The following TDRD12 variants were observed in gnomAD, a reference collection of about 807,000 sequenced individuals.
TDRD12 encodes tudor domain containing 12, also known as putative ATP-dependent RNA helicase TDRD12.
TDRD12 carries 158 observed loss-of-function variants against 133.5 expected under a neutral mutation model. The ratio of observed to expected loss-of-function variants is 1.18; its 90% CI spans 1.04 to 1.35. The LOEUF (loss-of-function observed/expected upper bound fraction) is 1.35. Ranked by LOEUF, TDRD12 falls within the 40% of genes most tolerant of loss-of-function variation. The pLI is 0.00. For missense variants in TDRD12, 1,443 were observed against 1,321.3 expected (o/e 1.09, Z -1.43); for synonymous variants, 460 against 477.9 (o/e 0.96, Z 0.49).
intron 27 of TDRD12, among the ~76,000 whole-genome samples, chr19:32,818,867 G>A (rs893816365): frequency 6.6e-6 from 1 of 152,176 alleles, no homozygotes; most frequent in African/African-American, 2.4e-5. Context: ...AAGACAGACA[G>A]CTGGGCTAGT....
chr19:32,761,192 T>G (rs1156998756), intron 8 of TDRD12, among the ~76,000 whole-genome samples: 1 of 152,236 alleles, frequency 6.6e-6, no homozygotes, highest in Non-Finnish European at 1.5e-5. Flanking sequence ...CTCAGCTCAC[T>G]GCAAGCTCCA....
At chr19:32,802,928 C>T in exon 21 of TDRD12, 2 of 1,534,538 alleles carry the variant, frequency 1.3e-6, no homozygotes, top group Non-Finnish European at 1.7e-6. Context: ...TCAGGGTTCT[C>T]CTGCAGAACA....
rs10644749 is a variant in TDRD12 at position 32,744,499 on chromosome 19, C to CAAAA, written c.440+1621_440+1624dup. ...TGGGTGACAGAGTGAGACTCCGTCT[C>CAAAA]AAAAAAAAAAAAAAAAAAAAAAAAA... On this transcript the variant is annotated intron_variant, in intron 4 of 27. Coordinates refer to ENST00000444215, the Ensembl canonical transcript of TDRD12. 4.4e-3 allele frequency among the ~76,000 whole-genome samples: 168 copies of CAAAA among 37,998 alleles called. 4 individuals are homozygous for CAAAA. Among genetic ancestry groups the CAAAA allele is most frequent in the Admixed American group, 5.7e-3 (12 of 2,110 alleles). 24.9% of individuals were successfully genotyped at this position (37,998 alleles called of 152,430 possible). A position where few individuals can be genotyped will look rare whatever the true frequency, so the allele number is the denominator to read the frequency against.
At chr19:32,781,693 C>G (rs2145632887) in intron 11 of TDRD12, among the ~76,000 whole-genome samples, 1 of 148,924 alleles carries the variant, frequency 6.7e-6, no homozygotes, top group Admixed American at 6.7e-5. Flanking sequence ...CCTTTTCTCT[C>G]TCTCTCTCTC....
intron 14 of TDRD12, among the ~76,000 whole-genome samples, chr19:32,796,988 T>C (rs1341485966): frequency 6.6e-6 from 1 of 151,236 alleles, no homozygotes; most frequent in Non-Finnish European, 1.5e-5. Context: ...CGTCTTTTTT[T>C]TTTTTTTTTT....
intron 24 of TDRD12, among the ~76,000 whole-genome samples, chr19:32,812,899 TG>T (rs1486340014): frequency 2.6e-5 from 4 of 152,122 alleles, no homozygotes; most frequent in Non-Finnish European, 5.9e-5. Context: ...TGGCCAGGCA[TG>T]GTGGCTCACA....
At chr19:32,763,833 C>T (rs1970218729) in intron 8 of TDRD12, among the ~76,000 whole-genome samples, 1 of 152,182 alleles carries the variant, frequency 6.6e-6, no homozygotes, top group Admixed American at 6.5e-5. Context: ...TGGGTTTCTG[C>T]CCCTGTCCAT....
At chr19:32,731,728 G>A in exon 2 of TDRD12, 4 of 1,531,118 alleles carry the variant, frequency 2.6e-6, no homozygotes, top group Non-Finnish European at 2.6e-6. Context: ...TTTACAGATT[G>A]AAGATCCAGG....
At chr19:32,755,889 A>G in intron 6 of TDRD12, 103 bp from the exon 7 acceptor site, 1 of 850,568 alleles carries the variant, frequency 1.2e-6, no homozygotes, top group East Asian at 3.3e-5. Flanking sequence ...CTGTAAAATA[A>G]TTTCTCTGAA....
At chr19:32,757,270 A>T in intron 8 of TDRD12, 140 bp downstream of exon 8, 1 of 701,024 alleles carries the variant, frequency 1.4e-6, no homozygotes, top group Non-Finnish European at 2.4e-6. Context: ...TTTGTGATGT[A>T]GATCCTGAAA....
chr19:32,751,106 C>G (rs1033511544), intron 6 of TDRD12, among the ~76,000 whole-genome samples: 11 of 147,390 alleles, frequency 7.5e-5, no homozygotes, highest in Admixed American at 4.1e-4. Context: ...CTCCCTCCCC[C>G]CTCCCCACCC....
exon 10 of TDRD12, chr19:32,828,422 T>C (rs1039540451): frequency 1.3e-5 from 2 of 152,092 alleles, no homozygotes; most frequent in Middle Eastern, 3.2e-3. Context: ...GAGGAGTGTA[T>C]GTAGTCATGG....
chr19:32,804,082 T>G (rs1242327703), intron 21 of TDRD12, among the ~76,000 whole-genome samples: 3 of 152,036 alleles, frequency 2.0e-5, no homozygotes, highest in African/African-American at 7.2e-5. Flanking sequence ...GAAGTTTTTT[T>G]TGTTTTTTGA....
chr19:32,721,319 C>G lies in TDRD12; in HGVS notation c.24+1223C>G, dbSNP rs1968654796. Among the ~76,000 whole-genome samples, 3 of 152,172 alleles carry G rather than the reference C, an allele frequency of 2.0e-5. No homozygotes were observed. The South Asian group carries it at 6.2e-4, about 32-fold the overall frequency. On this transcript the variant is annotated intron_variant, in intron 1 of 27. Transcript: ENST00000444215. ...AAGGAAATCTAAATACTTTGAAAAT[C>G]ACACTTCAGTGGGCCCAGGAGCTGG...
chr19:32,804,490 G>A (rs1159617651), intron 21 of TDRD12, among the ~76,000 whole-genome samples: 1 of 149,442 alleles, frequency 6.7e-6, no homozygotes. Flanking sequence ...TCAAGAGATC[G>A]AGACCATCCT....
At chr19:32,788,308 C>T (rs1970969236) in intron 11 of TDRD12, among the ~76,000 whole-genome samples, 1 of 151,798 alleles carries the variant, frequency 6.6e-6, no homozygotes, top group Non-Finnish European at 1.5e-5. Flanking sequence ...GACAGGGTTT[C>T]ACTATATTGG....
In TDRD12 at chr19:32,826,904, C is replaced by T. The variant is rs139022922; in HGVS notation, c.1050-260C>T. ...TCTCTTTGTTTATCTTGGTGCTAAA[C>T]GTTCTGGTTTGAGTACTTTTCAACC... On this transcript the variant is annotated intron_variant, in intron 9 of 9. Coordinates refer to the TDRD12 transcript ENST00000637289. Among the ~76,000 whole-genome samples, 114 of 152,282 alleles carry T rather than the reference C, an allele frequency of 7.5e-4. 1 individual carries two copies. Among genetic ancestry groups the T allele is most frequent in the African/African-American group, 2.7e-3 (112 of 41,552 alleles).
chr19:32,770,023 C>T (rs530093885), intron 8 of TDRD12, among the ~76,000 whole-genome samples: 11 of 148,642 alleles, frequency 7.4e-5, no homozygotes, highest in East Asian at 2.0e-4. Context: ...GACAGAGTCT[C>T]GCTCTGTCAC....
chr19:32,723,320 G>T (rs979898117), intron 1 of TDRD12, among the ~76,000 whole-genome samples: 1 of 150,674 alleles, frequency 6.6e-6, no homozygotes, highest in African/African-American at 2.4e-5. Context: ...GTGTGATCTC[G>T]GCACAGTGCA....
Sources: gnomAD v4.1 joint callset for allele counts (sites outside exome capture counted in the v4.1 genomes callset) on GRCh38, gnomAD v4.1.1 for gene constraint, MANE v1.5 for transcripts, NCBI Gene and HGNC (gene_info 2026-07-23, HGNC 2026-07-21) for gene names.